The following CCDC91 variants were observed in gnomAD, a reference collection of about 807,000 sequenced individuals.
CCDC91 encodes the protein coiled-coil domain-containing protein 91.
Under a neutral mutation model 63.2 loss-of-function variants are expected in CCDC91, and 48 were observed. The ratio of observed to expected loss-of-function variants is 0.76; its 90% CI spans 0.60 to 0.97. CCDC91 has a LOEUF of 0.97. Ranked by LOEUF, CCDC91 falls within the 50% of genes least tolerant of loss-of-function variation. The pLI, the probability that CCDC91 is intolerant of heterozygous loss-of-function variation, is 0.00. For missense variants in CCDC91, 500 were observed against 494.6 expected (o/e 1.01, Z -0.10); for synonymous variants, 167 against 165.8 (o/e 1.01, Z -0.06).
At chr12:28,254,453 T>C (rs1468249979) in intron 1 of CCDC91, among the ~76,000 whole-genome samples, 1 of 152,170 alleles carries the variant, frequency 6.6e-6, no homozygotes, top group East Asian at 1.9e-4. Flanking sequence ...GAATGCACTT[T>C]AGATAAAGTA....
At chr12:28,364,173 G>A (rs932922314) in intron 7 of CCDC91, among the ~76,000 whole-genome samples, 2 of 152,070 alleles carry the variant, frequency 1.3e-5, no homozygotes, top group African/African-American at 4.8e-5. Flanking sequence ...ATCACCTGAG[G>A]TCGGGGGTTC....
chr12:28,471,673 G>A (rs944094537), intron 11 of CCDC91, among the ~76,000 whole-genome samples: 1 of 149,408 alleles, frequency 6.7e-6, no homozygotes, highest in Non-Finnish European at 1.5e-5. Flanking sequence ...AACTAGGAGA[G>A]AATTTGGGCA....
chr12:28,336,823 T>C (rs2137847302), intron 6 of CCDC91, among the ~76,000 whole-genome samples: 1 of 152,244 alleles, frequency 6.6e-6, no homozygotes, highest in Admixed American at 6.5e-5. Context: ...AAAAAAGTAG[T>C]CCTTGCTAGA....
At chr12:28,325,699 A>G (rs1309667858) in intron 6 of CCDC91, among the ~76,000 whole-genome samples, 1 of 151,946 alleles carries the variant, frequency 6.6e-6, no homozygotes, top group East Asian at 1.9e-4. Context: ...AGCCAAGGAA[A>G]ATGCACTGGA....
intron 7 of CCDC91, among the ~76,000 whole-genome samples, chr12:28,386,614 G>T (rs11049568): frequency 0.2 from 30,462 of 152,020 alleles, 4,034 homozygotes; most frequent in Non-Finnish European, 0.3. Context: ...TGATCCGCCC[G>T]CCTCGGCCTC....
rs1949749337 is a variant in CCDC91, at chr12:28,450,478, A to G, written c.924+60A>G. 4.6e-6 allele frequency: 5 copies of G among 1,097,112 alleles called. No homozygotes were observed. The South Asian group carries it at 6.7e-5, about 15-fold the overall frequency. The allele number at this position is 1,097,112 out of a possible 1,614,324, so 68.0% of individuals were successfully genotyped here. On this transcript the variant is annotated intron_variant, in intron 10 of 12. Coordinates refer to ENST00000536442, the MANE Select transcript of CCDC91 (RefSeq NM_018318.5). ...TAAGTGGAATTAAAAAATGGAATAT[A>G]TTAATAGTATTCTCAATCTTTTATA... is the stretch of plus-strand genomic sequence containing the variant.
intron 6 of CCDC91, among the ~76,000 whole-genome samples, chr12:28,336,341 G>A (rs865877141): frequency 2.1e-4 from 32 of 152,142 alleles, no homozygotes; most frequent in Middle Eastern, 3.4e-3. Flanking sequence ...AAATTGGGAC[G>A]TATCCGTATT....
chr12:28,462,247 T>G (rs1950342380), intron 11 of CCDC91, among the ~76,000 whole-genome samples: 1 of 151,972 alleles, frequency 6.6e-6, no homozygotes, highest in African/African-American at 2.4e-5. Flanking sequence ...AACATGAGAG[T>G]GTTATTATCC....
intron 6 of CCDC91, among the ~76,000 whole-genome samples, chr12:28,315,489 T>A (rs1382293844): frequency 6.6e-6 from 1 of 151,954 alleles, no homozygotes; most frequent in Admixed American, 6.6e-5. Context: ...AAATAAGACT[T>A]TCAGGTCCAA....
intron 12 of CCDC91, among the ~76,000 whole-genome samples, chr12:28,494,466 A>T (rs1952176905): frequency 6.6e-6 from 1 of 151,748 alleles, no homozygotes; most frequent in Non-Finnish European, 1.5e-5. Flanking sequence ...TGGTATATGC[A>T]AGATCACTGG....
chr12:28,269,996 G>A (rs548150291), intron 3 of CCDC91, among the ~76,000 whole-genome samples: 6 of 151,796 alleles, frequency 4.0e-5, no homozygotes, highest in African/African-American at 1.4e-4. Context: ...CCTTATTAAA[G>A]CATTGCTGAG....
At position 28,364,904 on chromosome 12, in the gene CCDC91, C is replaced by T. The variant is rs544250099; in HGVS notation, c.654+2389C>T. Among the ~76,000 whole-genome samples the T allele has an allele frequency of 5.3e-5, 8 of 152,220 alleles. 1 individual carries two copies. The East Asian group carries it at 9.6e-4, about 18-fold the overall frequency. On this transcript the variant is annotated intron_variant, in intron 7 of 12. Coordinates refer to ENST00000536442, the MANE Select transcript of CCDC91 (RefSeq NM_018318.5). ...TTCTCAGCATATTTTAGAACACCTT[C>T]GTTGCAAAATTTTACATGATATCCA... is the stretch of plus-strand genomic sequence containing the variant.
intron 11 of CCDC91, among the ~76,000 whole-genome samples, chr12:28,478,328 C>G (rs368329693): frequency 7.2e-5 from 11 of 152,116 alleles, no homozygotes; most frequent in Admixed American, 6.6e-4. Context: ...ACCATCTGAT[C>G]TTTGACAAAC....
chr12:28,469,235 T>C (rs1186432476), intron 11 of CCDC91, among the ~76,000 whole-genome samples: 6 of 151,990 alleles, frequency 3.9e-5, no homozygotes, highest in African/African-American at 1.4e-4. Flanking sequence ...CAAAATTCAA[T>C]AAAGTTGCAG....
chr12:28,262,479 G>A (rs1335520359), intron 3 of CCDC91, among the ~76,000 whole-genome samples: 1 of 151,970 alleles, frequency 6.6e-6, no homozygotes, highest in Non-Finnish European at 1.5e-5. Context: ...GTAGGTGGAG[G>A]AGGATTTCAT....
At chr12:28,259,511 A>C in intron 3 of CCDC91, 69 bp downstream of exon 3, 2 of 972,338 alleles carry the variant, frequency 2.1e-6, no homozygotes, top group Admixed American at 2.0e-5. Context: ...CAACTCTTTG[A>C]AACCCTATTT....
intron 11 of CCDC91, among the ~76,000 whole-genome samples, chr12:28,469,264 A>G (rs888575198): frequency 1.3e-5 from 2 of 152,162 alleles, no homozygotes; most frequent in Non-Finnish European, 2.9e-5. Context: ...ATCAACATAC[A>G]AAAGTCAGTA....
At chr12:28,215,322 C>T (rs1943493924) in intron 1 of CCDC91, among the ~76,000 whole-genome samples, 1 of 152,092 alleles carries the variant, frequency 6.6e-6, no homozygotes, top group Admixed American at 6.6e-5. Context: ...ATCTTGTGAG[C>T]CAATTTCTGA....
rs1280852319 is a variant in CCDC91, at chr12:28,331,781, G to T, written c.576+24032G>T. The stretch of plus-strand genomic sequence containing the variant: ...TGCCTCTTTGGGACACATTTCTTAG[G>T]GCTTGGAAACCAAACAGATTCTTAC... On this transcript the variant is annotated intron_variant, in intron 6 of 12. Transcript: ENST00000536442. Among the ~76,000 whole-genome samples, 3 of 151,896 alleles carry T rather than the reference G, an allele frequency of 2.0e-5. No homozygotes were observed. The East Asian group carries it at 5.8e-4, about 29-fold the overall frequency.
Sources: allele counts gnomAD v4.1 joint callset (sites outside exome capture counted in the v4.1 genomes callset), GRCh38; gene constraint gnomAD v4.1.1; transcripts MANE v1.5; gene names NCBI Gene and HGNC (gene_info 2026-07-23, HGNC 2026-07-21).